HDAC9: variants seen among roughly 807,000 people sequenced by gnomAD.
The protein encoded by HDAC9 is MEF-2 interacting transcription repressor (MITR) protein.
HDAC9 carries 41 observed loss-of-function variants against 139.4 expected under a neutral mutation model. That is an observed-to-expected ratio of 0.29 (90% CI 0.23 to 0.38). The LOEUF (loss-of-function observed/expected upper bound fraction) is 0.38, where lower values mean the gene tolerates loss of function less well. Ranked by LOEUF, HDAC9 falls within the 10% of genes least tolerant of loss-of-function variation. The pLI is 1.00. For synonymous variants in HDAC9, 517 were observed against 476.2 expected (o/e 1.09, Z -1.12); for missense variants, 1,147 against 1,297.0 (o/e 0.88, Z 1.78).
intron 2 of HDAC9, among the ~76,000 whole-genome samples, chr7:18,541,141 GTTTTT>G (rs10678670): frequency 4.4e-4 from 29 of 65,464 alleles, no homozygotes; most frequent in African/African-American, 1.8e-3. Flanking sequence ...AAGGAACCGT[GTTTTT>G]TTTTTTTTTT....
chr7:18,689,555 G>A (rs1782526311), intron 12 of HDAC9, among the ~76,000 whole-genome samples: 1 of 151,946 alleles, frequency 6.6e-6, no homozygotes, highest in South Asian at 2.1e-4. Context: ...ACCAGATAGT[G>A]CCTGATATTC....
intron 22 of HDAC9, among the ~76,000 whole-genome samples, chr7:18,932,848 A>AGAAAGAAAGAAAGAAAG (rs772073673): frequency 7.2e-6 from 1 of 138,204 alleles, no homozygotes; most frequent in Non-Finnish European, 1.5e-5. Flanking sequence ...AGGAAGGAAA[A>AGAAAGAAAGAAAGAAAG]AAAGAAAGAA....
At chr7:18,985,049 TA>T (rs1327920804) in intron 25 of HDAC9, among the ~76,000 whole-genome samples, 2 of 152,116 alleles carry the variant, frequency 1.3e-5, no homozygotes, top group African/African-American at 4.8e-5. Context: ...TCTGGATCTT[TA>T]TTTTTTTTTA....
chr7:18,224,599 T>C (rs1792926218), intron 2 of HDAC9, among the ~76,000 whole-genome samples: 3 of 152,152 alleles, frequency 2.0e-5, no homozygotes, highest in Admixed American at 1.3e-4. Context: ...TCTCTTGAGA[T>C]TGGGAGGCAC....
chr7:18,238,377 G>C (rs1562780605), intron 2 of HDAC9, among the ~76,000 whole-genome samples: 1 of 152,176 alleles, frequency 6.6e-6, no homozygotes, highest in Non-Finnish European at 1.5e-5. Context: ...AACCACGTCA[G>C]ATTGTCTTTT....
At chr7:18,543,134 C>A (rs1813566567) in intron 2 of HDAC9, 2 of 152,078 alleles carry the variant, frequency 1.3e-5, no homozygotes, top group South Asian at 4.1e-4. Context: ...TTTTGACAGA[C>A]CCTGTGTATT....
intron 2 of HDAC9, among the ~76,000 whole-genome samples, chr7:18,519,704 A>T (rs1282571421): frequency 6.6e-6 from 1 of 151,818 alleles, no homozygotes; most frequent in African/African-American, 2.4e-5. Flanking sequence ...TACTATAAAA[A>T]TTAAAAATCT....
intron 1 of HDAC9, among the ~76,000 whole-genome samples, chr7:18,459,869 G>T (rs1049234210): frequency 6.6e-6 from 1 of 151,238 alleles, no homozygotes; most frequent in African/African-American, 2.4e-5. Flanking sequence ...CTTATATCAA[G>T]TATTTCAGAT....
intron 2 of HDAC9, chr7:18,543,560 T>A (rs1019723948): frequency 9.2e-5 from 14 of 152,342 alleles, no homozygotes; most frequent in African/African-American, 3.4e-4. Context: ...TGACACCACA[T>A]GCAGATCTGT....
At chr7:18,817,192 G>A (rs1009577859) in intron 17 of HDAC9, among the ~76,000 whole-genome samples, 2 of 151,926 alleles carry the variant, frequency 1.3e-5, no homozygotes, top group Non-Finnish European at 2.9e-5. Flanking sequence ...CCGCCACCAC[G>A]CCTGCCTGAT....
intron 2 of HDAC9, among the ~76,000 whole-genome samples, chr7:18,282,736 T>A (rs999819205): frequency 2.4e-4 from 37 of 152,050 alleles, no homozygotes; most frequent in Admixed American, 2.6e-4. Flanking sequence ...TGAGTCTGGG[T>A]ACTCCCTTCT....
chr7:18,308,935 C>T (rs1261813039), intron 1 of HDAC9, among the ~76,000 whole-genome samples: 3 of 152,074 alleles, frequency 2.0e-5, no homozygotes, highest in African/African-American at 7.2e-5. Context: ...AGAAACAGGT[C>T]CAGAAACACC....
chr7:18,774,189 A>G (rs1395497991), intron 16 of HDAC9, among the ~76,000 whole-genome samples: 1 of 152,046 alleles, frequency 6.6e-6, no homozygotes, highest in Non-Finnish European at 1.5e-5. Flanking sequence ...TAAGTAAAAT[A>G]AAGGAATTAA....
intron 1 of HDAC9, among the ~76,000 whole-genome samples, chr7:18,413,892 T>C (rs1408947837): frequency 1.3e-5 from 2 of 152,136 alleles, no homozygotes; most frequent in Non-Finnish European, 2.9e-5. Context: ...TGTGTTAAGG[T>C]AAACATACTT....
At chr7:18,488,480 G>A (rs1267228062) in intron 1 of HDAC9, among the ~76,000 whole-genome samples, 1 of 151,938 alleles carries the variant, frequency 6.6e-6, no homozygotes, top group African/African-American at 2.4e-5. Context: ...TATAAAAATT[G>A]TGTTATAAGT....
At chr7:18,625,099 T>A (rs895876857) in intron 6 of HDAC9, among the ~76,000 whole-genome samples, 1 of 152,172 alleles carries the variant, frequency 6.6e-6, no homozygotes, top group African/African-American at 2.4e-5. Context: ...GAATTATGCC[T>A]TTTTGCATAA....
At position 18,585,495 on chromosome 7, in the gene HDAC9, C is replaced by G; in HGVS notation, c.237C>G (p.His79Gln). Residue 79 changes from histidine (H) to glutamine (Q), a missense_variant, in exon 3 of 26, where the codon CAC (histidine) becomes CAG (glutamine). His to Gln is a conservative substitution (Grantham distance 24, BLOSUM62 0). Coordinates refer to ENST00000686413, the MANE Select transcript of HDAC9 (RefSeq NM_178425.4). ...AGCATGAGAACTTGACACGGCAGCA[C>G]CAGGCTCAGCTTCAGGAGCATATCA... ...QKQHENLTRQHQAQLQEHIKL... is the reference protein window; with the variant it reads ...QKQHENLTRQQQAQLQEHIKL... The G allele has an allele frequency of 6.2e-7, 1 of 1,613,760 alleles. No homozygotes were observed. Among genetic ancestry groups the G allele is most frequent in the Non-Finnish European group, 8.5e-7 (1 of 1,179,774 alleles).
At position 18,638,011 on chromosome 7, in the gene HDAC9, C is replaced by T. The variant is rs563363906; in HGVS notation, c.912+3269C>T. On this transcript the variant is annotated intron_variant, in intron 8 of 25. Coordinates refer to ENST00000686413, the MANE Select transcript of HDAC9 (RefSeq NM_178425.4). ...ATGTCTCCTAAGATTGATAGTAGTA[C>T]GGGATTTCATAGCAACAAATATTTT... 5.3e-5 allele frequency among the ~76,000 whole-genome samples: 8 copies of T among 152,048 alleles called. No individual in the cohort carries two copies. The East Asian group carries it at 7.8e-4, about 15-fold the overall frequency.
intron 2 of HDAC9, among the ~76,000 whole-genome samples, chr7:18,228,695 C>T (rs1339802903): frequency 1.2e-4 from 19 of 152,046 alleles, no homozygotes; most frequent in Admixed American, 1.2e-3. Context: ...TGCATGTGCT[C>T]ACCTTCTCTT....
Sources: gnomAD v4.1 joint callset for allele counts (sites outside exome capture counted in the v4.1 genomes callset) on GRCh38, gnomAD v4.1.1 for gene constraint, MANE v1.5 for transcripts, NCBI Gene and HGNC (gene_info 2026-07-23, HGNC 2026-07-21) for gene names.